Variants in ADARB2 observed in about 807,000 individuals in gnomAD.
ADARB2 encodes adenosine deaminase RNA specific B2 (inactive), also known as inactive double-stranded RNA-specific editase B2.
In ADARB2, 25 loss-of-function variants were observed where a neutral mutation model predicts 62.2. That is an observed-to-expected ratio of 0.40 (90% CI 0.29 to 0.56). The LOEUF (loss-of-function observed/expected upper bound fraction) is 0.56. ADARB2 is among the 20% of genes least tolerant of loss of function. The pLI, the probability that ADARB2 is intolerant of heterozygous loss-of-function variation, is 0.43. For synonymous variants in ADARB2, 572 were observed against 500.8 expected (o/e 1.14, Z -1.90); for missense variants, 1,071 against 1,077.4 (o/e 0.99, Z 0.08).
intron 3 of ADARB2, among the ~76,000 whole-genome samples, chr10:1,331,519 T>C (rs1831927491): frequency 6.6e-6 from 1 of 152,228 alleles, no homozygotes; most frequent in South Asian, 2.1e-4. Context: ...TGATTCTATT[T>C]ACCTGAAATG....
Position 1,427,966 on chromosome 10 carries a change from A to ATT in ADARB2, c.101-48808_101-48807dup, listed in dbSNP as rs1308185342. The stretch of plus-strand genomic sequence containing the variant: ...ATGCTGAATGAAAAAAGCCAGTCCC[A>ATT]TTTTTTTTTTTTTTTTGAGACAGAG... On this transcript the variant is annotated intron_variant, in intron 1 of 9. Coordinates refer to ENST00000381312, the MANE Select transcript of ADARB2 (RefSeq NM_018702.4). Among the ~76,000 whole-genome samples, 325 of 144,526 alleles carry ATT rather than the reference A, an allele frequency of 2.2e-3. 1 individual carries two copies. The highest frequency in any genetic ancestry group is 7.7e-3 in the African/African-American group (300 of 39,040). 94.8% of individuals were successfully genotyped at this position (144,526 alleles called of 152,430 possible).
intron 1 of ADARB2, among the ~76,000 whole-genome samples, chr10:1,733,469 C>T (rs1389745986): frequency 6.6e-6 from 1 of 152,104 alleles, no homozygotes; most frequent in Non-Finnish European, 1.5e-5. Context: ...AGAATATATG[C>T]ACTGTTTTAA....
chr10:1,468,166 T>C (rs572636992), intron 1 of ADARB2, among the ~76,000 whole-genome samples: 11 of 152,344 alleles, frequency 7.2e-5, no homozygotes, highest in Admixed American at 2.6e-4. Flanking sequence ...ATATAAATAT[T>C]TGTGAGACTA....
chr10:1,577,788 C>A (rs190549120), intron 1 of ADARB2, among the ~76,000 whole-genome samples: 1 of 152,212 alleles, frequency 6.6e-6, no homozygotes, highest in East Asian at 1.9e-4. Flanking sequence ...GGACATCAGA[C>A]GGTGACTGTA....
At chr10:1,713,104 G>T (rs1190796394) in intron 1 of ADARB2, among the ~76,000 whole-genome samples, 4 of 152,138 alleles carry the variant, frequency 2.6e-5, no homozygotes, top group Non-Finnish European at 5.9e-5. Context: ...TAGTTGTTAG[G>T]AGTCAGGCGA....
intron 1 of ADARB2, among the ~76,000 whole-genome samples, chr10:1,540,339 C>G (rs1832400342): frequency 7.2e-6 from 1 of 139,626 alleles, no homozygotes; most frequent in Non-Finnish European, 1.6e-5. Flanking sequence ...GAGGGCACGT[C>G]AGGCAACAGC....
chr10:1,198,690 CAAT>C (rs1381743246), intron 8 of ADARB2, among the ~76,000 whole-genome samples: 4 of 152,368 alleles, frequency 2.6e-5, no homozygotes, highest in East Asian at 1.9e-4. Flanking sequence ...CTGTGCCACT[CAAT>C]GATGTCAGGT....
At chr10:1,646,707 T>C (rs1438741484) in intron 1 of ADARB2, among the ~76,000 whole-genome samples, 1 of 152,258 alleles carries the variant, frequency 6.6e-6, no homozygotes, top group African/African-American at 2.4e-5. Context: ...CATTTTGCTA[T>C]AGCTCAGACA....
chr10:1,219,979 ATGGTGG>A (rs1198634818), intron 6 of ADARB2, among the ~76,000 whole-genome samples: 1 of 122,046 alleles, frequency 8.2e-6, no homozygotes, highest in African/African-American at 3.3e-5. Context: ...GATGATGGTG[ATGGTGG>A]TGATGATGGT....
intron 1 of ADARB2, among the ~76,000 whole-genome samples, chr10:1,549,475 G>A (rs1430761605): frequency 6.6e-6 from 1 of 152,106 alleles, no homozygotes; most frequent in African/African-American, 2.4e-5. Flanking sequence ...AGGGTGCAGG[G>A]GTGAGCAGGG....
At chr10:1,462,544 C>A (rs1236073505) in intron 1 of ADARB2, among the ~76,000 whole-genome samples, 2 of 151,592 alleles carry the variant, frequency 1.3e-5, no homozygotes, top group Non-Finnish European at 2.9e-5. Flanking sequence ...TGTGTATGTA[C>A]ATGAGTGTAT....
At chr10:1,733,661 T>A (rs151064296) in intron 1 of ADARB2, among the ~76,000 whole-genome samples, 2 of 152,196 alleles carry the variant, frequency 1.3e-5, no homozygotes, top group Non-Finnish European at 2.9e-5. Context: ...TTCTTTATTA[T>A]TTTTTGGTTA....
At chr10:1,603,097 ATCAAC>A (rs1564344113) in intron 1 of ADARB2, among the ~76,000 whole-genome samples, 1 of 77,990 alleles carries the variant, frequency 1.3e-5, no homozygotes. Context: ...ACATACACAC[ATCAAC>A]ACACACACCT....
intron 3 of ADARB2, among the ~76,000 whole-genome samples, chr10:1,345,650 T>C (rs914994334): frequency 6.6e-6 from 1 of 152,180 alleles, no homozygotes; most frequent in Non-Finnish European, 1.5e-5. Flanking sequence ...CCCCCGTGAC[T>C]CTGATAGTGA....
intron 3 of ADARB2, among the ~76,000 whole-genome samples, chr10:1,352,241 A>G (rs1588228397): frequency 6.6e-6 from 1 of 152,074 alleles, no homozygotes; most frequent in South Asian, 2.1e-4. Flanking sequence ...AGCACCTTCT[A>G]CAAAACAACT....
At chr10:1,536,893 T>G (rs1416245199) in intron 1 of ADARB2, among the ~76,000 whole-genome samples, 3 of 152,176 alleles carry the variant, frequency 2.0e-5, no homozygotes, top group Non-Finnish European at 4.4e-5. Flanking sequence ...ATTCAGGACA[T>G]AGTCATGGGC....
chr10:1,641,183 G>A (rs761004125), intron 1 of ADARB2, among the ~76,000 whole-genome samples: 4 of 152,036 alleles, frequency 2.6e-5, no homozygotes, highest in African/African-American at 4.8e-5. Context: ...TTTAGCACCC[G>A]ATATAAAATA....
At chr10:1,470,302 A>G (rs1393542257) in intron 1 of ADARB2, among the ~76,000 whole-genome samples, 1 of 152,232 alleles carries the variant, frequency 6.6e-6, no homozygotes, top group Non-Finnish European at 1.5e-5. Flanking sequence ...CAAAATGTGT[A>G]TCACCTACTC....
chr10:1,523,614 A>G (rs1366420111), intron 1 of ADARB2, among the ~76,000 whole-genome samples: 1 of 152,236 alleles, frequency 6.6e-6, no homozygotes, highest in Non-Finnish European at 1.5e-5. Flanking sequence ...TCATTAAAAT[A>G]ACTTTATTCC....
Sources: allele counts gnomAD v4.1 joint callset (sites outside exome capture counted in the v4.1 genomes callset), GRCh38; gene constraint gnomAD v4.1.1; transcripts MANE v1.5; gene names NCBI Gene and HGNC (gene_info 2026-07-23, HGNC 2026-07-21).